Variants in LRRK1 observed in about 807,000 individuals in gnomAD.
The protein encoded by LRRK1 is leucine rich repeat kinase 1.
LRRK1 carries 113 observed loss-of-function variants against 209.1 expected under a neutral mutation model. The observed-to-expected ratio is 0.54, with a 90% confidence interval of 0.46 to 0.63. LRRK1 has a LOEUF of 0.63. Ranked by LOEUF, LRRK1 falls within the 30% of genes least tolerant of loss-of-function variation. The pLI is 0.00. For missense variants in LRRK1, 2,284 were observed against 2,632.2 expected, an observed-to-expected ratio of 0.87 and a Z score of 2.89; for synonymous variants, 1,144 against 1,099.7, an observed-to-expected ratio of 1.04 and a Z score of -0.80.
intron 2 of LRRK1, among the ~76,000 whole-genome samples, chr15:100,926,119 C>T (rs2042105393): frequency 1.3e-5 from 2 of 152,218 alleles, no homozygotes; most frequent in South Asian, 2.1e-4. Flanking sequence ...AAATGGGAAA[C>T]GAATTTGCTT....
intron 6 of LRRK1, among the ~76,000 whole-genome samples, chr15:100,990,622 T>G (rs1481807996): frequency 6.6e-6 from 1 of 152,176 alleles, no homozygotes; most frequent in Non-Finnish European, 1.5e-5. Flanking sequence ...TTTCATATGT[T>G]CATGAACTAT....
rs935231928 is a variant in LRRK1 at position 101,022,957 on chromosome 15, C to G, written c.2067+360C>G. On this transcript the variant is annotated intron_variant, in intron 15 of 33. Transcript: ENST00000388948. This position sits in a 1 kb window ranked among gnomAD's most constrained non-coding sequence, Gnocchi z 4.0. Reference sequence around the variant, plus strand: ...GCTCTGGGACAGTGGTTCTTAACCCCGGCTGTCTGTTAGATTCCCTTGAGG... The same window carrying G: ...GCTCTGGGACAGTGGTTCTTAACCCGGGCTGTCTGTTAGATTCCCTTGAGG... Among the ~76,000 whole-genome samples the G allele has an allele frequency of 6.6e-6, 1 of 152,010 alleles. No homozygotes were observed. Among genetic ancestry groups the G allele is most frequent in the Non-Finnish European group, 1.5e-5 (1 of 68,016 alleles).
chr15:100,986,794 C>G (rs150227374), intron 4 of LRRK1, among the ~76,000 whole-genome samples: 104 of 152,372 alleles, frequency 6.8e-4, no homozygotes, highest in African/African-American at 2.5e-3. Flanking sequence ...TTCCCCTACA[C>G]TCCTTGCCCT....
At chr15:100,990,089 A>G (rs1377129512) in intron 6 of LRRK1, among the ~76,000 whole-genome samples, 1 of 152,174 alleles carries the variant, frequency 6.6e-6, no homozygotes, top group Non-Finnish European at 1.5e-5. Context: ...TCCACATGCA[A>G]TGCTATAAAA....
At chr15:100,998,229 A>G (rs556269224) in intron 6 of LRRK1, among the ~76,000 whole-genome samples, 1 of 152,064 alleles carries the variant, frequency 6.6e-6, no homozygotes, top group South Asian at 2.1e-4. Context: ...TGGCAGGGAA[A>G]GACTATACCA....
At chr15:100,973,661 T>C (rs1045456666) in intron 2 of LRRK1, 143 bp from the exon 3 acceptor site, 1 of 865,470 alleles carries the variant, frequency 1.2e-6, no homozygotes, top group African/African-American at 1.7e-5. Context: ...GCAGGGAGCG[T>C]CGCGGGGCCA....
At chr15:100,921,241 G>T (rs1567179542) in intron 1 of LRRK1, among the ~76,000 whole-genome samples, 1 of 152,278 alleles carries the variant, frequency 6.6e-6, no homozygotes. Context: ...ATGGGGAATG[G>T]ACAACCCTAA....
In LRRK1 at chr15:100,989,629, C is replaced by T. The variant is rs369476682; in HGVS notation, c.762+231C>T. On this transcript the variant is annotated intron_variant, in intron 6 of 33. Transcript: ENST00000388948. The stretch of plus-strand genomic sequence containing the variant: ...GAGAGGGAAGAACTCACTTTTATAA[C>T]AACCCACCCTCAAAATAACAAACCC... The T allele has an allele frequency of 1.0e-5, 6 of 582,846 alleles. No individual in the cohort carries two copies. The Admixed American group carries it at 1.9e-4, about 18-fold the overall frequency. 36.1% of individuals were successfully genotyped at this position (582,846 alleles called of 1,614,324 possible).
At chr15:100,968,311 A>G (rs2030607638) in intron 2 of LRRK1, among the ~76,000 whole-genome samples, 2 of 152,188 alleles carry the variant, frequency 1.3e-5, no homozygotes, top group Non-Finnish European at 2.9e-5. Flanking sequence ...TGCTGTGAAT[A>G]TTGTTGGATA....
chr15:101,066,063 G>A lies in LRRK1; in HGVS notation c.5626G>A (p.Glu1876Lys), dbSNP rs369774424. 3.3e-4 allele frequency: 525 copies of A among 1,613,982 alleles called. No homozygotes were observed. Among genetic ancestry groups the A allele is most frequent in the Non-Finnish European group, 4.3e-4 (503 of 1,180,054 alleles). The change falls in exon 32 of 34, where the codon GAG becomes AAG. Residue 1876 changes from glutamate to lysine, a missense_variant. By Grantham distance (56) the Glu-to-Lys change is moderately conservative. This residue lies in a region of LRRK1 where 643 missense variants were observed against 695.9 expected (regional missense o/e 0.92). Transcript: ENST00000388948. ...SSSVPFSTDC[E>K]DSDMLHTPGA... ...CAGTGTGCCTTTCTCCACCGACTGC[G>A]AGGACTCAGACATGCTACATACGCC...
chr15:100,949,763 T>C (rs750526812), intron 2 of LRRK1, among the ~76,000 whole-genome samples: 29 of 152,014 alleles, frequency 1.9e-4, no homozygotes, highest in Non-Finnish European at 4.1e-4. Flanking sequence ...GGAGAAAAAA[T>C]ATATGATCAT....
chr15:100,924,439 C>T (rs929065928), intron 1 of LRRK1, 72 bp from the exon 2 acceptor site: 1 of 583,022 alleles, frequency 1.7e-6, no homozygotes, highest in African/African-American at 1.9e-5. Context: ...TAAATGAACC[C>T]ATGCAAATAT....
intron 2 of LRRK1, among the ~76,000 whole-genome samples, chr15:100,932,154 T>G (rs1014807891): frequency 1.2e-4 from 18 of 152,008 alleles, no homozygotes; most frequent in Admixed American, 9.2e-4. Flanking sequence ...CCCAGCAAAT[T>G]TTTGTATTTT....
intron 2 of LRRK1, among the ~76,000 whole-genome samples, chr15:100,963,882 A>G (rs2030270370): frequency 1.3e-5 from 2 of 152,222 alleles, no homozygotes; most frequent in South Asian, 4.1e-4. Flanking sequence ...AGGTGGACAT[A>G]ACATAGCATC....
intron 31 of LRRK1, 116 bp from the exon 32 acceptor site, chr15:101,065,236 G>C (rs1450229641): frequency 2.4e-6 from 3 of 1,274,734 alleles, no homozygotes; most frequent in Non-Finnish European, 3.3e-6. Flanking sequence ...GAGGCGCACT[G>C]GTGGAAAGTG....
At chr15:101,038,218 G>A (rs1368593890) in intron 20 of LRRK1, among the ~76,000 whole-genome samples, 1 of 152,128 alleles carries the variant, frequency 6.6e-6, no homozygotes, top group East Asian at 1.9e-4. Context: ...GGGACTCAGG[G>A]GAAAGGGTGG....
chr15:101,062,518 G>A (rs2036245375), intron 30 of LRRK1, 56 bp from the exon 31 acceptor site: 3 of 1,255,656 alleles, frequency 2.4e-6, no homozygotes, highest in Non-Finnish European at 3.5e-6. Flanking sequence ...AATGGCTTGG[G>A]AAATGCCAGA....
chr15:100,980,064 T>C (rs759338321), intron 3 of LRRK1, among the ~76,000 whole-genome samples: 4 of 152,172 alleles, frequency 2.6e-5, no homozygotes, highest in Non-Finnish European at 5.9e-5. Flanking sequence ...AACCAGCAAT[T>C]GAACTCCTGA....
At chr15:100,989,002 C>T (rs74613986) in intron 5 of LRRK1, among the ~76,000 whole-genome samples, 189 bp downstream of exon 5, 7 of 152,244 alleles carry the variant, frequency 4.6e-5, no homozygotes, top group East Asian at 1.9e-4. Context: ...TACTTGCCCC[C>T]GCAAGGGGAT....
Sources: allele counts gnomAD v4.1 joint callset (sites outside exome capture counted in the v4.1 genomes callset), GRCh38; gene constraint gnomAD v4.1.1; regional missense constraint gnomAD v4.1.1; non-coding constraint Gnocchi (gnomAD v3.1); transcripts MANE v1.5; gene names NCBI Gene and HGNC (gene_info 2026-07-23, HGNC 2026-07-21).